ADGRG2: variants seen among roughly 807,000 people sequenced by gnomAD.
The protein encoded by ADGRG2 is adhesion G protein-coupled receptor G2, also known as G protein-coupled receptor 64.
In ADGRG2, 26 loss-of-function variants were observed where a neutral mutation model predicts 74.1. The ratio of observed to expected loss-of-function variants is 0.35; its 90% CI spans 0.26 to 0.49. ADGRG2 has a LOEUF of 0.49. Among genes scored for constraint, ADGRG2 ranks in the 20% least tolerant of loss-of-function variants. The pLI is 0.99. For synonymous variants in ADGRG2, 296 were observed against 295.2 expected, an observed-to-expected ratio of 1.00 and a Z score of -0.03; for missense variants, 619 against 763.1, an observed-to-expected ratio of 0.81 and a Z score of 2.22.
At chrX:19,035,010 T>C (rs1196888758) in intron 7 of ADGRG2, 1 of 112,295 alleles carries the variant, frequency 8.9e-6, no homozygotes, top group Non-Finnish European at 1.9e-5. Flanking sequence ...AAAATACAAC[T>C]GTGAAATGAA....
At chrX:19,002,534 C>T (rs770196733) in intron 24 of ADGRG2, among the ~76,000 whole-genome samples, 2 of 111,952 alleles carry the variant, frequency 1.8e-5, no homozygotes, top group South Asian at 7.4e-4. Flanking sequence ...TATTACCACC[C>T]CAAGCTAATG....
chrX:19,038,616 A>T (rs2060991646), intron 4 of ADGRG2, among the ~76,000 whole-genome samples: 1 of 112,217 alleles, frequency 8.9e-6, no homozygotes, highest in Non-Finnish European at 1.9e-5. Flanking sequence ...TTAAGGAATG[A>T]CTATTAATTC....
intron 2 of ADGRG2, among the ~76,000 whole-genome samples, chrX:19,069,353 T>TG (rs1455639806): frequency 9.4e-4 from 105 of 111,143 alleles, no homozygotes; most frequent in African/African-American, 3.4e-3. Context: ...ATGTTTTTTT[T>TG]GTTTGTTTTT....
At chrX:19,011,860 A>C (rs1262559288) in intron 16 of ADGRG2, among the ~76,000 whole-genome samples, 1 of 111,736 alleles carries the variant, frequency 8.9e-6, no homozygotes, top group Admixed American at 9.5e-5. Flanking sequence ...CAAAACAAAA[A>C]AGAATATTAT....
chrX:19,097,263 G>A (rs190092649), intron 1 of ADGRG2, among the ~76,000 whole-genome samples: 34 of 112,928 alleles, frequency 3.0e-4, no homozygotes, highest in African/African-American at 8.7e-4. Flanking sequence ...TGTAATCTCA[G>A]CACTTTGGGA....
chrX:18,995,993 T>A, intron 27 of ADGRG2, 58 bp downstream of exon 27: 1 of 620,711 alleles, frequency 1.6e-6, no homozygotes, highest in Non-Finnish European at 2.7e-6. Flanking sequence ...GGATCTTAAT[T>A]TATACAATCT....
chrX:19,040,114 C>T (rs984061162), intron 4 of ADGRG2, 75 bp downstream of exon 4: 1 of 688,354 alleles, frequency 1.5e-6, no homozygotes, highest in Non-Finnish European at 2.3e-6. Context: ...TACCTGACTA[C>T]ATGCCATGTT....
chrX:19,029,841 A>G (rs1007221948), intron 9 of ADGRG2, among the ~76,000 whole-genome samples: 2 of 111,376 alleles, frequency 1.8e-5, no homozygotes, highest in African/African-American at 6.5e-5. Context: ...CGGAAGAGTC[A>G]GAGAGGAGGG....
At chrX:19,001,166 C>A (rs1192221762) in intron 24 of ADGRG2, among the ~76,000 whole-genome samples, 1 of 111,555 alleles carries the variant, frequency 9.0e-6, no homozygotes, top group Admixed American at 9.6e-5. Flanking sequence ...AGGGTTCTGT[C>A]CTGGCTGATC....
chrX:19,013,121 C>T (rs1417571226), intron 16 of ADGRG2, among the ~76,000 whole-genome samples: 1 of 111,233 alleles, frequency 9.0e-6, no homozygotes, highest in Non-Finnish European at 1.9e-5. Context: ...GTGTTTCTCC[C>T]CTCCTACCAC....
At chrX:19,049,455 T>TTTTG (rs1328733136) in intron 3 of ADGRG2, among the ~76,000 whole-genome samples, 1 of 91,003 alleles carries the variant, frequency 1.1e-5, no homozygotes, top group African/African-American at 4.8e-5. Context: ...TTTTTTTTTT[T>TTTTG]TTGTTGTTGT....
At chrX:19,067,207 C>T (rs951598019) in intron 3 of ADGRG2, among the ~76,000 whole-genome samples, 3 of 112,184 alleles carry the variant, frequency 2.7e-5, no homozygotes, top group African/African-American at 9.7e-5. Flanking sequence ...GTAACAGGGA[C>T]TTTGAGCCCC....
intron 24 of ADGRG2, among the ~76,000 whole-genome samples, chrX:19,001,154 G>A (rs780720233): frequency 3.4e-4 from 38 of 111,676 alleles, no homozygotes; most frequent in African/African-American, 1.1e-3. Context: ...AGTGAAGGAT[G>A]GAGGGTTCTG....
chrX:19,017,746 C>T (rs2060497283), intron 15 of ADGRG2, among the ~76,000 whole-genome samples: 1 of 112,220 alleles, frequency 8.9e-6, no homozygotes, highest in Non-Finnish European at 1.9e-5. Flanking sequence ...TACACTTAGC[C>T]TTCTCTTCCC....
At chrX:19,037,364 G>A (rs1342505132) in intron 6 of ADGRG2, 103 bp downstream of exon 6, 6 of 605,613 alleles carry the variant, frequency 9.9e-6, no homozygotes, top group South Asian at 6.2e-5. Context: ...ACTACTCGAC[G>A]TATTCAGAAA....
At chrX:19,096,164 A>G (rs944167612) in intron 1 of ADGRG2, among the ~76,000 whole-genome samples, 4 of 111,459 alleles carry the variant, frequency 3.6e-5, no homozygotes, top group African/African-American at 1.3e-4. Context: ...TAATCCCAAC[A>G]CTTTGGGAGG....
chrX:19,031,212 G>A, intron 8 of ADGRG2, 175 bp from the exon 9 acceptor site: 1 of 434,378 alleles, frequency 2.3e-6, no homozygotes, highest in Non-Finnish European at 4.0e-6. Flanking sequence ...TTCATTTGTT[G>A]GTCATTTGTC....
At chrX:19,099,974 G>C (rs1326707577) in intron 1 of ADGRG2, among the ~76,000 whole-genome samples, 2 of 111,610 alleles carry the variant, frequency 1.8e-5, no homozygotes, top group Non-Finnish European at 3.8e-5. Flanking sequence ...GGTTGAGGCT[G>C]CAGTGAGCCA....
At chrX:19,095,665 ATAAAG>A (rs1185590421) in intron 1 of ADGRG2, among the ~76,000 whole-genome samples, 52 of 112,087 alleles carry the variant, frequency 4.6e-4, no homozygotes, top group African/African-American at 1.6e-3. Flanking sequence ...CTCATCCAAA[ATAAAG>A]TAATCACATA....
Sources: allele counts gnomAD v4.1 joint callset (sites outside exome capture counted in the v4.1 genomes callset), GRCh38; gene constraint gnomAD v4.1.1; transcripts MANE v1.5; gene names NCBI Gene and HGNC (gene_info 2026-07-23, HGNC 2026-07-21).